The following CNTN6 variants were observed in gnomAD, a reference collection of about 807,000 sequenced individuals.
The protein encoded by CNTN6 is contactin 6, also known as contactin-6.
In CNTN6, 137 loss-of-function variants were observed where a neutral mutation model predicts 122.8. The ratio of observed to expected loss-of-function variants is 1.12; its 90% CI spans 0.97 to 1.29. The LOEUF (loss-of-function observed/expected upper bound fraction) is 1.29. Ranked by LOEUF, CNTN6 falls within the 50% of genes most tolerant of loss-of-function variation. The pLI, the probability that CNTN6 is intolerant of heterozygous loss-of-function variation, is 0.00. For synonymous variants in CNTN6, 570 were observed against 426.0 expected (o/e 1.34, Z -4.16); for missense variants, 1,634 against 1,223.4 (o/e 1.34, Z -5.01).
At chr3:1,297,093 A>C (rs1474145091) in intron 6 of CNTN6, among the ~76,000 whole-genome samples, 3 of 152,274 alleles carry the variant, frequency 2.0e-5, no homozygotes, top group Non-Finnish European at 2.9e-5. Flanking sequence ...CTACCTTCTC[A>C]CCATAACCTC....
intron 7 of CNTN6, among the ~76,000 whole-genome samples, chr3:1,301,136 A>G (rs1697335117): frequency 6.9e-6 from 1 of 144,464 alleles, no homozygotes; most frequent in Non-Finnish European, 1.5e-5. Context: ...TCCCCGGTTC[A>G]AGTGATTCTC....
rs549381141 is a variant in CNTN6 at position 1,097,135 on chromosome 3, G to A, written c.-83+4015G>A. On this transcript the variant is annotated intron_variant, in intron 1 of 22. Coordinates refer to ENST00000446702, the MANE Select transcript of CNTN6 (RefSeq NM_001289080.2). The stretch of plus-strand genomic sequence containing the variant: ...GTTGTAGTATTAAACATTTATTACG[G>A]TAAAGGCGTAACACAGGACATAGTA... 3.9e-5 allele frequency among the ~76,000 whole-genome samples: 6 copies of A among 152,252 alleles called. No individual in the cohort carries two copies. In the East Asian group the frequency reaches 1.2e-3, roughly 29 times the overall value.
chr3:1,106,490 C>G (rs1391353115), intron 1 of CNTN6, among the ~76,000 whole-genome samples: 1 of 151,538 alleles, frequency 6.6e-6, no homozygotes, highest in East Asian at 1.9e-4. Context: ...CAAGACGAGC[C>G]TAGGCAACAA....
At chr3:1,227,776 A>T (rs994383402) in intron 3 of CNTN6, 42 bp from the exon 4 acceptor site, 28 of 1,586,264 alleles carry the variant, frequency 1.8e-5, no homozygotes, top group Non-Finnish European at 2.3e-5. Context: ...AGATTGATTG[A>T]CTCTGTATAT....
At chr3:1,230,934 C>A (rs2094345274) in intron 4 of CNTN6, among the ~76,000 whole-genome samples, 1 of 152,180 alleles carries the variant, frequency 6.6e-6, no homozygotes, top group African/African-American at 2.4e-5. Flanking sequence ...CTGGTGATTC[C>A]TTGTCCACAT....
chr3:1,353,921 T>G (rs1706100323), intron 12 of CNTN6, among the ~76,000 whole-genome samples: 2 of 151,512 alleles, frequency 1.3e-5, no homozygotes. Context: ...AGAAAGTTTC[T>G]TTAGAATACT....
intron 2 of CNTN6, among the ~76,000 whole-genome samples, chr3:1,150,862 G>A (rs2092826310): frequency 6.6e-6 from 1 of 152,156 alleles, no homozygotes; most frequent in Non-Finnish European, 1.5e-5. Context: ...AGGAGGCAGA[G>A]TTAGACCTGA....
At chr3:1,277,172 A>C (rs1692520442) in intron 4 of CNTN6, among the ~76,000 whole-genome samples, 1 of 152,124 alleles carries the variant, frequency 6.6e-6, no homozygotes, top group Non-Finnish European at 1.5e-5. Context: ...ATTTCAGTCT[A>C]CACTCAAGGA....
intron 7 of CNTN6, among the ~76,000 whole-genome samples, chr3:1,317,041 G>A (rs1481442947): frequency 1.3e-5 from 2 of 151,892 alleles, no homozygotes; most frequent in East Asian, 1.9e-4. Context: ...AGAGGAACAT[G>A]GCATTCAGAT....
intron 20 of CNTN6, among the ~76,000 whole-genome samples, chr3:1,388,362 G>C (rs1463534610): frequency 1.7e-4 from 25 of 147,810 alleles, no homozygotes; most frequent in African/African-American, 5.7e-4. Flanking sequence ...CTGTCTGTTA[G>C]AAGGAAAACT....
intron 1 of CNTN6, among the ~76,000 whole-genome samples, chr3:1,127,670 C>A (rs2092211845): frequency 6.6e-6 from 1 of 152,002 alleles, no homozygotes. Flanking sequence ...CTTTCTGAAT[C>A]TGTTACTTTG....
intron 1 of CNTN6, among the ~76,000 whole-genome samples, chr3:1,105,585 T>C (rs895337078): frequency 6.6e-6 from 1 of 152,184 alleles, no homozygotes; most frequent in Non-Finnish European, 1.5e-5. Flanking sequence ...AATGGTCAGA[T>C]AAAAACTGAA....
chr3:1,134,830 G>A (rs1418222533), intron 1 of CNTN6, among the ~76,000 whole-genome samples: 1 of 152,094 alleles, frequency 6.6e-6, no homozygotes, highest in African/African-American at 2.4e-5. Context: ...CCAGATATTG[G>A]AAGGTGGCAA....
chr3:1,340,147 A>G (rs1703676156), intron 11 of CNTN6, among the ~76,000 whole-genome samples: 1 of 152,160 alleles, frequency 6.6e-6, no homozygotes, highest in South Asian at 2.1e-4. Flanking sequence ...AAAAACATTC[A>G]GTTCTGAGAA....
chr3:1,146,853 G>A (rs1458066369), intron 1 of CNTN6, among the ~76,000 whole-genome samples: 1 of 152,108 alleles, frequency 6.6e-6, no homozygotes, highest in Non-Finnish European at 1.5e-5. Context: ...GGAATGGAAA[G>A]ATGATGTCAG....
At chr3:1,272,432 C>T (rs1184675391) in intron 4 of CNTN6, among the ~76,000 whole-genome samples, 1 of 152,008 alleles carries the variant, frequency 6.6e-6, no homozygotes, top group Admixed American at 6.6e-5. Flanking sequence ...CTTATCAGAG[C>T]ATCTGACATA....
intron 11 of CNTN6, among the ~76,000 whole-genome samples, chr3:1,331,829 TGAGA>T (rs977283426): frequency 3.4e-5 from 5 of 148,442 alleles, no homozygotes; most frequent in African/African-American, 1.2e-4. Flanking sequence ...GCTAAGATAA[TGAGA>T]GAGAGAAAAA....
At chr3:1,387,834 G>T (rs139848114) in intron 20 of CNTN6, among the ~76,000 whole-genome samples, 1 of 151,866 alleles carries the variant, frequency 6.6e-6, no homozygotes, top group African/African-American at 2.4e-5. Flanking sequence ...ACTCCCACCC[G>T]AATATTGCGC....
chr3:1,374,139 A>T, intron 16 of CNTN6, 66 bp downstream of exon 16: 1 of 1,363,722 alleles, frequency 7.3e-7, no homozygotes, highest in East Asian at 2.4e-5. Flanking sequence ...AAACAAAACA[A>T]GTATTTTTAT....
Sources: gnomAD v4.1 joint callset for allele counts (sites outside exome capture counted in the v4.1 genomes callset) on GRCh38, gnomAD v4.1.1 for gene constraint, MANE v1.5 for transcripts, NCBI Gene and HGNC (gene_info 2026-07-23, HGNC 2026-07-21) for gene names.